Variants in NGFR observed in about 807,000 individuals in gnomAD.
NGFR encodes the protein nerve growth factor receptor.
Under a neutral mutation model 43.2 loss-of-function variants are expected in NGFR, and 30 were observed. The observed-to-expected ratio is 0.69, with a 90% confidence interval of 0.52 to 0.94. The LOEUF is 0.94. NGFR is among the 40% of genes least tolerant of loss of function. NGFR has a pLI of 0.00. For synonymous variants in NGFR, 246 were observed against 259.6 expected, an observed-to-expected ratio of 0.95 and a Z score of 0.50; for missense variants, 529 against 602.5, an observed-to-expected ratio of 0.88 and a Z score of 1.28.
intron 3 of NGFR, among the ~76,000 whole-genome samples, chr17:49,509,974 C>G (rs997119473): frequency 6.6e-6 from 1 of 152,094 alleles, no homozygotes; most frequent in Non-Finnish European, 1.5e-5. Flanking sequence ...AGAGACATTT[C>G]CCAGAGTGAC....
chr17:49,501,999 A>AG, intron 1 of NGFR, 64 bp from the exon 2 acceptor site: 6 of 330,980 alleles, frequency 1.8e-5, no homozygotes, highest in Non-Finnish European at 3.5e-5. Flanking sequence ...TCCCCGGAAG[A>AG]ACCCCCCCCA....
chr17:49,501,233 G>C (rs1567738096), intron 1 of NGFR, among the ~76,000 whole-genome samples: 1 of 152,210 alleles, frequency 6.6e-6, no homozygotes, highest in Non-Finnish European at 1.5e-5. Context: ...GGCCACATGG[G>C]GGAGGGGGAG....
intron 1 of NGFR, 64 bp from the exon 2 acceptor site, chr17:49,501,999 A>AGGGGGGGGCCCCCCCCC: frequency 3.0e-6 from 1 of 330,984 alleles, no homozygotes; most frequent in Non-Finnish European, 5.9e-6. Context: ...TCCCCGGAAG[A>AGGGGGGGGCCCCCCCCC]ACCCCCCCCA....
rs2071133012 is a variant in NGFR at position 49,495,468 on chromosome 17, G to A, written c.51G>A (p.Leu17=). 1.6e-6 allele frequency: 2 copies of A among 1,237,006 alleles called. No homozygotes were observed. Among genetic ancestry groups the A allele is most frequent in the East Asian group, 6.3e-5 (2 of 31,950 alleles). 76.6% of individuals were successfully genotyped at this position (1,237,006 alleles called of 1,614,324 possible). A position where few individuals can be genotyped will look rare whatever the true frequency, so the allele number is the denominator to read the frequency against. The part of the protein sequence containing the change: ...GRAMDGPRLL[L]LLLLGVSLGG... ...CCATGGACGGGCCGCGCCTGCTGCT[G>A]TTGCTGCTTCTGGGGGTGAGTGTTA... Residue 17 remains leucine, a synonymous_variant, in exon 1 of 6, where the codon CTG becomes CTA. Coordinates refer to ENST00000172229, the MANE Select transcript of NGFR (RefSeq NM_002507.4). The surrounding 1 kb of genome is among the most constrained non-coding windows in gnomAD (Gnocchi z 6.4).
In NGFR at chr17:49,495,586, A is replaced by C; in HGVS notation, c.66+103A>C. ...AAACAGAACAGAGCATTGGGGTCCCAGATACTGAGGGTGGGTGGTGGGAAA... is the reference window on the plus strand; with the variant it reads ...AAACAGAACAGAGCATTGGGGTCCCCGATACTGAGGGTGGGTGGTGGGAAA... On this transcript the variant is annotated intron_variant, in intron 1 of 5. Transcript: ENST00000172229. This position sits in a 1 kb window ranked among gnomAD's most constrained non-coding sequence, Gnocchi z 6.4. 4 of 986,152 alleles carry C rather than the reference A, an allele frequency of 4.1e-6. No homozygotes were observed. Among genetic ancestry groups the C allele is most frequent in the Non-Finnish European group, 5.3e-6 (4 of 761,360 alleles). The allele number at this position is 986,152 out of a possible 1,614,324, so 61.1% of individuals were successfully genotyped here. A position where few individuals can be genotyped will look rare whatever the true frequency, so the allele number is the denominator to read the frequency against.
chr17:49,506,957 C>T (rs924986276), intron 3 of NGFR, among the ~76,000 whole-genome samples: 2 of 152,160 alleles, frequency 1.3e-5, no homozygotes, highest in South Asian at 4.1e-4. Flanking sequence ...ACTCATCCTC[C>T]GGGACGCATT....
chr17:49,507,247 A>C (rs2071205332), intron 3 of NGFR, among the ~76,000 whole-genome samples: 1 of 152,200 alleles, frequency 6.6e-6, no homozygotes, highest in African/African-American at 2.4e-5. Context: ...CTCACTGGTC[A>C]TATGGCTGCC....
chr17:49,504,324 C>T (rs538214728), intron 2 of NGFR, among the ~76,000 whole-genome samples: 1 of 152,294 alleles, frequency 6.6e-6, no homozygotes, highest in South Asian at 2.1e-4. Context: ...GCCAGCCAGC[C>T]AGGACCCTCT....
chr17:49,499,696 T>C (rs2071156694), intron 1 of NGFR, among the ~76,000 whole-genome samples: 1 of 152,188 alleles, frequency 6.6e-6, no homozygotes, highest in Non-Finnish European at 1.5e-5. Flanking sequence ...CAAGCGATTC[T>C]CCTGCCTCAG....
At position 49,506,667 on chromosome 17, in the gene NGFR, G is replaced by T. The variant is rs997418829; in HGVS notation, c.568+9G>T. 3 of 1,414,044 alleles carry T rather than the reference G, an allele frequency of 2.1e-6. No homozygotes were observed. The African/African-American group carries it at 4.4e-5, about 21-fold the overall frequency. 87.6% of individuals were successfully genotyped at this position (1,414,044 alleles called of 1,614,324 possible). A position where few individuals can be genotyped will look rare whatever the true frequency, so the allele number is the denominator to read the frequency against. On this transcript the variant is annotated intron_variant, in intron 3 of 5. Transcript: ENST00000172229. ...CGACGCCGAGTGCGAGGGTGAGTGCGGTTCGGGGGGCGGGGGGAGTGGGGG... is the reference window on the plus strand; with the variant it reads ...CGACGCCGAGTGCGAGGGTGAGTGCTGTTCGGGGGGCGGGGGGAGTGGGGG...
intron 3 of NGFR, 41 bp downstream of exon 3, chr17:49,506,699 G>A: frequency 2.5e-6 from 1 of 402,094 alleles, no homozygotes; most frequent in Admixed American, 4.1e-5. Context: ...GGGGTGCGGG[G>A]GTGGGCTGGG....
chr17:49,501,510 A>G (rs2071166764), intron 1 of NGFR, among the ~76,000 whole-genome samples: 1 of 152,226 alleles, frequency 6.6e-6, no homozygotes, highest in South Asian at 2.1e-4. Flanking sequence ...GCTCTTGGGC[A>G]TGGACATCTT....
At position 49,511,787 on chromosome 17, in the gene NGFR, C is replaced by T. The variant is rs919596573; in HGVS notation, c.822-105C>T. 4.5e-6 allele frequency: 6 copies of T among 1,330,376 alleles called. No individual in the cohort carries two copies. In the Admixed American group the frequency reaches 1.9e-4, roughly 42 times the overall value. The allele number at this position is 1,330,376 out of a possible 1,614,324, so 82.4% of individuals were successfully genotyped here. A position where few individuals can be genotyped will look rare whatever the true frequency, so the allele number is the denominator to read the frequency against. ...TGGTGGGGTGGCGGTTATAATTGGG[C>T]ACCCGCCATGCCCCTGGCCCTCACA... On this transcript the variant is annotated intron_variant, in intron 4 of 5. Coordinates refer to ENST00000172229, the MANE Select transcript of NGFR (RefSeq NM_002507.4).
At chr17:49,506,693 T>TGGGGGGGGGGGGGGG in intron 3 of NGFR, 35 bp downstream of exon 3, 2 of 115,494 alleles carry the variant, frequency 1.7e-5, no homozygotes, top group African/African-American at 1.6e-4. Flanking sequence ...GGAGTGGGGG[T>TGGGGGGGGGGGGGGG]GCGGGGGTGG....
chr17:49,496,715 G>A (rs1280447770), intron 1 of NGFR: 2 of 152,206 alleles, frequency 1.3e-5, no homozygotes, highest in African/African-American at 4.8e-5. Context: ...TCGAAGGGTC[G>A]GGATCCGGTC....
At chr17:49,496,122 C>G (rs2439829) in intron 1 of NGFR, 9 of 152,916 alleles carry the variant, frequency 5.9e-5, no homozygotes, top group African/African-American at 2.2e-4. Flanking sequence ...AGAAGAGGGG[C>G]GACGGCGAGG....
Position 49,513,241 on chromosome 17 carries a change from C to T in NGFR, c.*232C>T, listed in dbSNP as rs567761043. The T allele has an allele frequency of 1.9e-6, 1 of 523,796 alleles. No individual in the cohort carries two copies. Among genetic ancestry groups the T allele is most frequent in the Non-Finnish European group, 3.3e-6 (1 of 300,590 alleles). 32.4% of individuals were successfully genotyped at this position (523,796 alleles called of 1,614,324 possible). A position where few individuals can be genotyped will look rare whatever the true frequency, so the allele number is the denominator to read the frequency against. ...TCCAGAGAGAGAAGTGCCCCTGCTG[C>T]CTCCCCAACCCTGCCCCTGCCCCGT... On this transcript the variant is annotated 3_prime_UTR_variant, in exon 6 of 6. Coordinates refer to ENST00000172229, the MANE Select transcript of NGFR (RefSeq NM_002507.4).
At chr17:49,511,397 C>T (rs939764991) in intron 4 of NGFR, among the ~76,000 whole-genome samples, 2 of 152,130 alleles carry the variant, frequency 1.3e-5, no homozygotes, top group African/African-American at 4.8e-5. Flanking sequence ...TTACTTTTTT[C>T]ACTCAGTCTC....
chr17:49,501,999 A>ACCGCCCCCCCCCCCCCC, intron 1 of NGFR, 64 bp from the exon 2 acceptor site: 1 of 330,984 alleles, frequency 3.0e-6, no homozygotes, highest in Non-Finnish European at 5.9e-6. Context: ...TCCCCGGAAG[A>ACCGCCCCCCCCCCCCCC]ACCCCCCCCA....
Sources: gnomAD v4.1 joint callset for allele counts (sites outside exome capture counted in the v4.1 genomes callset) on GRCh38, gnomAD v4.1.1 for gene constraint, Gnocchi (gnomAD v3.1) non-coding constraint, MANE v1.5 for transcripts, NCBI Gene and HGNC (gene_info 2026-07-23, HGNC 2026-07-21) for gene names.